Variants in SLC12A2 observed in about 807,000 individuals in gnomAD.
The protein encoded by SLC12A2 is Na-K-2Cl cotransporter 1.
Under a neutral mutation model 136.3 loss-of-function variants are expected in SLC12A2, and 67 were observed. The ratio of observed to expected loss-of-function variants is 0.49; its 90% confidence interval spans 0.40 to 0.60. The LOEUF (loss-of-function observed/expected upper bound fraction) is 0.60. Ranked by LOEUF, SLC12A2 falls within the 20% of genes least tolerant of loss-of-function variation. SLC12A2 has a pLI of 0.00. For missense variants in SLC12A2, 1,322 were observed against 1,534.7 expected, an observed-to-expected ratio of 0.86 and a Z score of 2.32; for synonymous variants, 619 against 562.9, an observed-to-expected ratio of 1.10 and a Z score of -1.41.
intron 4 of SLC12A2, 106 bp from the exon 5 acceptor site, chr5:128,130,961 T>G: frequency 9.9e-7 from 1 of 1,005,832 alleles, no homozygotes; most frequent in Non-Finnish European, 1.5e-6. Context: ...CTGCTCTGCT[T>G]ATTGGGGGCA....
chr5:128,183,941 C>T (rs1434097804), intron 24 of SLC12A2, among the ~76,000 whole-genome samples: 1 of 151,970 alleles, frequency 6.6e-6, no homozygotes, highest in East Asian at 1.9e-4. Flanking sequence ...ATCCCAAATG[C>T]TTGGGATCAA....
intron 7 of SLC12A2, among the ~76,000 whole-genome samples, chr5:128,137,016 A>T (rs1010366747): frequency 4.6e-5 from 7 of 152,066 alleles, no homozygotes; most frequent in Admixed American, 3.9e-4. Flanking sequence ...TTTCCTAATC[A>T]GTGTATTTAT....
At chr5:128,181,329 TG>T (rs1460842570) in intron 23 of SLC12A2, among the ~76,000 whole-genome samples, 1 of 152,206 alleles carries the variant, frequency 6.6e-6, no homozygotes, top group Admixed American at 6.5e-5. Flanking sequence ...AGATAAATTT[TG>T]TTGTAGACTT....
At chr5:128,167,462 TTC>T (rs1014208164) in intron 17 of SLC12A2, among the ~76,000 whole-genome samples, 5 of 152,110 alleles carry the variant, frequency 3.3e-5, no homozygotes. Context: ...AAAGATTATA[TTC>T]TCTTTCTCTT....
intron 13 of SLC12A2, 96 bp from the exon 14 acceptor site, chr5:128,151,145 G>T: frequency 9.4e-7 from 1 of 1,061,810 alleles, no homozygotes; most frequent in South Asian, 1.8e-5. Context: ...CTCTCAGTGT[G>T]GCAACCATAA....
At chr5:128,157,161 G>C (rs1427011922) in intron 15 of SLC12A2, among the ~76,000 whole-genome samples, 2 of 152,132 alleles carry the variant, frequency 1.3e-5, no homozygotes, top group Admixed American at 6.6e-5. Flanking sequence ...GGAAATTGTA[G>C]TCTGCAATTC....
At chr5:128,136,407 G>A (rs995445936) in intron 7 of SLC12A2, among the ~76,000 whole-genome samples, 2 of 152,104 alleles carry the variant, frequency 1.3e-5, no homozygotes, top group Non-Finnish European at 2.9e-5. Context: ...ACTTAGTCAA[G>A]GTTATACCTG....
At chr5:128,091,666 C>G (rs1760326068) in intron 1 of SLC12A2, among the ~76,000 whole-genome samples, 1 of 152,180 alleles carries the variant, frequency 6.6e-6, no homozygotes, top group Non-Finnish European at 1.5e-5. Flanking sequence ...TCTACCAACA[C>G]TAGCTTAAAG....
rs868368318 is a variant in SLC12A2, at chr5:128,084,407, G to A, written c.453G>A (p.Ser151=). The change falls in exon 1 of 27, where the codon TCG becomes TCA. Residue 151 remains serine (S), a synonymous_variant. Coordinates refer to ENST00000262461, the MANE Select transcript of SLC12A2 (RefSeq NM_001046.3). This position sits in a 1 kb window ranked among gnomAD's most constrained non-coding sequence, Gnocchi z 5.6. ...TCGTGGACCCAGCTGCCTCCTCGTC[G>A]GCTGAAGACAGCCTGTCAGATGCTG... ...VNFVDPAASS[S]AEDSLSDAAG... 15 of 1,611,162 alleles carry A rather than the reference G, an allele frequency of 9.3e-6. No homozygotes were observed. Among genetic ancestry groups the A allele is most frequent in the Middle Eastern group, 1.6e-4 (1 of 6,074 alleles).
intron 20 of SLC12A2, among the ~76,000 whole-genome samples, chr5:128,174,899 G>T (rs917132191): frequency 2.6e-5 from 4 of 151,914 alleles, no homozygotes; most frequent in African/African-American, 9.7e-5. Context: ...TTACTAATAT[G>T]GCTTCTGTGT....
rs1347112296 is a variant in SLC12A2 at position 128,126,971 on chromosome 5, T to TATATATATATATATAA, written c.1049-4096_1049-4095insATATATATATATATAA. ...ATATATATATATATATATATATTTT[T>TATATATATATATATAA]TTTTTTTTTTTTTTTTGCATCTAAA... On this transcript the variant is annotated intron_variant, in intron 4 of 26. Transcript: ENST00000262461. Among the ~76,000 whole-genome samples, 115 of 122,974 alleles carry TATATATATATATATAA rather than the reference T, an allele frequency of 9.4e-4. 5 individuals are homozygous for TATATATATATATATAA. The highest frequency in any genetic ancestry group is 4.1e-3 in the African/African-American group (107 of 26,034). The allele number at this position is 122,974 out of a possible 152,430, so 80.7% of individuals were successfully genotyped here. A position where few individuals can be genotyped will look rare whatever the true frequency, so the allele number is the denominator to read the frequency against.
At position 128,138,919 on chromosome 5, in the gene SLC12A2, TC is replaced by T. The variant is rs1762268840; in HGVS notation, c.1621+12del. The T allele has an allele frequency of 6.4e-7, 1 of 1,567,750 alleles. No homozygotes were observed. The highest frequency in any genetic ancestry group is 8.8e-7 in the Non-Finnish European group (1 of 1,141,194). ...TTGCAGTATCTGTAGGTAAATAGTT[TC>T]ACATTTCTTTATGTGTCGCAGAAAT... On this transcript the variant is annotated intron_variant, in intron 9 of 26. Transcript: ENST00000262461.
intron 4 of SLC12A2, among the ~76,000 whole-genome samples, chr5:128,120,665 C>T (rs1229999166): frequency 6.6e-6 from 1 of 151,138 alleles, no homozygotes; most frequent in Non-Finnish European, 1.5e-5. Context: ...ACAATGAGAA[C>T]ACATGGACAC....
At chr5:128,171,438 C>T (rs1471620747) in intron 18 of SLC12A2, among the ~76,000 whole-genome samples, 1 of 152,034 alleles carries the variant, frequency 6.6e-6, no homozygotes, top group African/African-American at 2.4e-5. Context: ...AATGTCAGTA[C>T]AACAAAGATC....
chr5:128,147,500 T>C, intron 10 of SLC12A2, 122 bp from the exon 11 acceptor site: 1 of 597,874 alleles, frequency 1.7e-6, no homozygotes, highest in South Asian at 2.2e-5. Context: ...AGCGTTGTTG[T>C]TATTATTATT....
chr5:128,181,248 CATT>C (rs1431899844), intron 23 of SLC12A2, among the ~76,000 whole-genome samples: 2 of 151,984 alleles, frequency 1.3e-5, no homozygotes, highest in African/African-American at 4.8e-5. Flanking sequence ...ATACTTGTAA[CATT>C]AAAGTGTTAA....
chr5:128,096,658 T>A (rs1422462950), intron 1 of SLC12A2, among the ~76,000 whole-genome samples: 3 of 152,068 alleles, frequency 2.0e-5, no homozygotes, highest in Non-Finnish European at 4.4e-5. Context: ...GGGCAGGACA[T>A]AGCCTCAGTA....
At chr5:128,118,567 G>A (rs191342200) in intron 4 of SLC12A2, among the ~76,000 whole-genome samples, 2 of 152,256 alleles carry the variant, frequency 1.3e-5, no homozygotes, top group African/African-American at 4.8e-5. Context: ...GGGGATGCGG[G>A]TGGAAGGGTG....
intron 1 of SLC12A2, among the ~76,000 whole-genome samples, chr5:128,102,591 C>T (rs868104166): frequency 1.1e-4 from 14 of 126,570 alleles, no homozygotes; most frequent in Non-Finnish European, 2.0e-4. Flanking sequence ...CACCCCCCCC[C>T]CCGCCTTTTT....
Sources: allele counts gnomAD v4.1 joint callset (sites outside exome capture counted in the v4.1 genomes callset), GRCh38; gene constraint gnomAD v4.1.1; non-coding constraint Gnocchi (gnomAD v3.1); transcripts MANE v1.5; gene names NCBI Gene and HGNC (gene_info 2026-07-23, HGNC 2026-07-21).